Variants in SPATA1 observed in about 807,000 individuals in gnomAD.
SPATA1 encodes spermatogenesis-associated protein 1.
Under a neutral mutation model 59.6 loss-of-function variants are expected in SPATA1, and 57 were observed. The observed-to-expected ratio is 0.96, with a 90% CI of 0.77 to 1.19. The LOEUF (loss-of-function observed/expected upper bound fraction) is 1.19. SPATA1 is among the 50% of genes most tolerant of loss of function. SPATA1 has a pLI of 0.00. For missense variants in SPATA1, 448 were observed against 480.7 expected, an observed-to-expected ratio of 0.93 and a Z score of 0.64; for synonymous variants, 147 against 163.9, an observed-to-expected ratio of 0.90 and a Z score of 0.79.
intron 6 of SPATA1, 45 bp downstream of exon 6, chr1:84,526,118 A>G (rs2101951456): frequency 6.7e-7 from 1 of 1,498,492 alleles, no homozygotes; most frequent in East Asian, 2.4e-5. Context: ...CTATTATAGT[A>G]CATTTTAGCA....
intron 10 of SPATA1, among the ~76,000 whole-genome samples, chr1:84,548,450 T>C (rs1323407408): frequency 6.7e-6 from 1 of 148,408 alleles, no homozygotes; most frequent in African/African-American, 2.4e-5. Context: ...ATGTTATAGA[T>C]TACTATATAT....
chr1:84,554,925 T>C, downstream of SPATA1: 1 of 1,169,408 alleles, frequency 8.6e-7, no homozygotes, highest in Middle Eastern at 2.0e-4. Flanking sequence ...TATAGCAACA[T>C]AATAAAAATG....
intron 1 of SPATA1, among the ~76,000 whole-genome samples, chr1:84,509,510 T>C (rs1682442725): frequency 6.6e-6 from 1 of 152,244 alleles, no homozygotes; most frequent in Non-Finnish European, 1.5e-5. Context: ...ACACCTGTAA[T>C]CCCAGCACTT....
chr1:84,529,597 T>TA (rs1683376108), intron 6 of SPATA1, among the ~76,000 whole-genome samples: 1 of 146,920 alleles, frequency 6.8e-6, no homozygotes, highest in Non-Finnish European at 1.5e-5. Context: ...TTTTTTTTTT[T>TA]TTTGAGACGG....
intron 8 of SPATA1, among the ~76,000 whole-genome samples, chr1:84,541,994 G>A (rs1233860981): frequency 6.6e-6 from 1 of 151,938 alleles, no homozygotes; most frequent in Non-Finnish European, 1.5e-5. Context: ...TCTTGAGATG[G>A]AGTCTCGCTC....
At chr1:84,526,430 A>G (rs1683227410) in intron 6 of SPATA1, among the ~76,000 whole-genome samples, 1 of 152,214 alleles carries the variant, frequency 6.6e-6, no homozygotes, top group African/African-American at 2.4e-5. Context: ...GACCAGAGGG[A>G]TCAGGAAAAC....
Position 84,546,556 on chromosome 1 carries a change from G to A in SPATA1, c.946+797G>A, listed in dbSNP as rs183141886. The stretch of plus-strand genomic sequence containing the variant: ...CAAAGGGAGAACGCCTAAATTAGAT[G>A]GAAGAGATCAAGAGAGGCTTCCAGG... On this transcript the variant is annotated intron_variant, in intron 10 of 12. Transcript: ENST00000490879. Among the ~76,000 whole-genome samples the A allele has an allele frequency of 2.0e-4, 30 of 151,996 alleles. 1 individual carries two copies. The highest frequency in any genetic ancestry group is 6.7e-4 in the African/African-American group (28 of 41,490).
chr1:84,528,866 C>T (rs1222718777), intron 6 of SPATA1, among the ~76,000 whole-genome samples: 1 of 152,154 alleles, frequency 6.6e-6, no homozygotes, highest in Non-Finnish European at 1.5e-5. Context: ...TTTTCTGTCT[C>T]CTTGTTTCTC....
At chr1:84,545,561 C>T in intron 9 of SPATA1, 73 bp from the exon 10 acceptor site, 2 of 1,426,116 alleles carry the variant, frequency 1.4e-6, no homozygotes, top group Non-Finnish European at 1.8e-6. Context: ...TTAAGTTTTA[C>T]ACTCCATATT....
intron 4 of SPATA1, among the ~76,000 whole-genome samples, chr1:84,559,609 G>A (rs1036609179): frequency 3.3e-5 from 5 of 150,898 alleles, no homozygotes; most frequent in Non-Finnish European, 7.4e-5. Flanking sequence ...GTGACGGAGC[G>A]ATACTCCATC....
At chr1:84,507,684 ATC>A (rs1274409503) in intron 1 of SPATA1, among the ~76,000 whole-genome samples, 1 of 152,238 alleles carries the variant, frequency 6.6e-6, no homozygotes, top group Non-Finnish European at 1.5e-5. Context: ...AAACACAAGT[ATC>A]TATTCAAAGA....
rs1176526445 is a variant in SPATA1 at position 84,545,875 on chromosome 1, T to TAAA, written c.946+116_946+117insAAA. On this transcript the variant is annotated intron_variant, in intron 10 of 12. Coordinates refer to ENST00000490879, the Ensembl canonical transcript of SPATA1. ...AATATTTACTGTTTTACTATTTTAG[T>TAAA]TTAAGTGGTACATGATTAAGTTCAA... 22 of 768,646 alleles carry TAAA rather than the reference T, an allele frequency of 2.9e-5. No individual in the cohort carries two copies. The African/African-American group carries it at 3.8e-4, about 13-fold the overall frequency. 47.6% of individuals were successfully genotyped at this position (768,646 alleles called of 1,614,324 possible).
intron 12 of SPATA1, chr1:84,552,950 C>A: frequency 1.1e-6 from 1 of 903,156 alleles, no homozygotes; most frequent in Non-Finnish European, 1.7e-6. Flanking sequence ...AAAGCGGTTA[C>A]AAAAACCCTG....
intron 6 of SPATA1, among the ~76,000 whole-genome samples, chr1:84,531,729 A>G (rs536560243): frequency 6.6e-6 from 1 of 151,834 alleles, no homozygotes; most frequent in East Asian, 2.0e-4. Context: ...ATGCACCACC[A>G]TGCCTGGCTA....
chr1:84,548,564 A>T (rs928129255), intron 10 of SPATA1, among the ~76,000 whole-genome samples: 2 of 147,756 alleles, frequency 1.4e-5, no homozygotes, highest in African/African-American at 4.9e-5. Flanking sequence ...ATATATATAT[A>T]TTACTATATT....
At chr1:84,532,195 G>C (rs1288095984) in intron 6 of SPATA1, among the ~76,000 whole-genome samples, 1 of 152,154 alleles carries the variant, frequency 6.6e-6, no homozygotes, top group Non-Finnish European at 1.5e-5. Flanking sequence ...TTTGGCAAAC[G>C]GTTTGTAAAG....
chr1:84,543,477 G>A (rs983422407), intron 8 of SPATA1, among the ~76,000 whole-genome samples: 4 of 152,110 alleles, frequency 2.6e-5, no homozygotes, highest in South Asian at 2.1e-4. Flanking sequence ...TTTCAATCAC[G>A]GTGGAAGGCA....
At chr1:84,526,659 G>A (rs946427081) in intron 6 of SPATA1, among the ~76,000 whole-genome samples, 2 of 151,934 alleles carry the variant, frequency 1.3e-5, no homozygotes, top group Non-Finnish European at 2.9e-5. Flanking sequence ...TTGAGCCCAG[G>A]AGTTTGAGAC....
chr1:84,533,029 A>G, intron 7 of SPATA1, 55 bp downstream of exon 7: 1 of 1,209,792 alleles, frequency 8.3e-7, no homozygotes. Flanking sequence ...TAAGAAAAAG[A>G]GTAAGATATT....
Sources: allele counts gnomAD v4.1 joint callset (sites outside exome capture counted in the v4.1 genomes callset), GRCh38; gene constraint gnomAD v4.1.1; transcripts MANE v1.5; gene names NCBI Gene and HGNC (gene_info 2026-07-23, HGNC 2026-07-21).